The following BTBD9 variants were observed in gnomAD, a reference collection of about 807,000 sequenced individuals.
BTBD9 encodes BTB domain containing 9.
In BTBD9, 49 loss-of-function variants were observed where a neutral mutation model predicts 64.3. The observed-to-expected ratio is 0.76, with a 90% CI of 0.61 to 0.97. BTBD9 has a LOEUF of 0.97. Among genes scored for constraint, BTBD9 ranks in the 50% least tolerant of loss-of-function variants. BTBD9 has a pLI of 0.00. For synonymous variants in BTBD9, 260 were observed against 274.7 expected (o/e 0.95, Z 0.53); for missense variants, 598 against 762.1 (o/e 0.78, Z 2.53).
At chr6:38,177,969 G>C (rs952999390) in intron 10 of BTBD9, among the ~76,000 whole-genome samples, 10 of 152,208 alleles carry the variant, frequency 6.6e-5, no homozygotes, top group Non-Finnish European at 1.2e-4. Flanking sequence ...CATCAAGTTA[G>C]GGGACCCTGG....
At chr6:38,272,111 C>T (rs1255837171) in intron 8 of BTBD9, among the ~76,000 whole-genome samples, 1 of 152,050 alleles carries the variant, frequency 6.6e-6, no homozygotes. Context: ...TAGTCATTGA[C>T]CACTACCCTC....
At chr6:38,403,103 G>A (rs1358727525) in intron 6 of BTBD9, among the ~76,000 whole-genome samples, 4 of 135,022 alleles carry the variant, frequency 3.0e-5, no homozygotes, top group East Asian at 2.9e-4. Flanking sequence ...GGAAGGGAGG[G>A]GAGAAGAAGG....
chr6:38,545,972 T>C (rs1774538351), intron 6 of BTBD9, among the ~76,000 whole-genome samples: 1 of 150,264 alleles, frequency 6.7e-6, no homozygotes, highest in Non-Finnish European at 1.5e-5. Flanking sequence ...ATCAAGCCAC[T>C]GCAATAATCT....
chr6:38,215,799 G>T lies in BTBD9; in HGVS notation c.1563-23202C>A, dbSNP rs550443457. On this transcript the variant is annotated intron_variant, in intron 9 of 10. Transcript: ENST00000481247. ...ATTTCAGCTGTTTTATCATTCAGCT[G>T]TTTTTTCCCATCAAGTCAGCAGAAC... is the stretch of plus-strand genomic sequence containing the variant. Among the ~76,000 whole-genome samples the T allele has an allele frequency of 7.3e-4, 111 of 152,238 alleles. 1 individual carries two copies. The highest frequency in any genetic ancestry group is 1.3e-3 in the Non-Finnish European group (88 of 68,010).
chr6:38,503,815 C>T lies in BTBD9; in HGVS notation c.1154+73785G>A, dbSNP rs546416766. ...ATTTCCTCAACTACAGGGATCCTTT[C>T]TTCCGTTAAACCTCAGTGATTCAAA... On this transcript the variant is annotated intron_variant, in intron 6 of 10. Transcript: ENST00000481247. Among the ~76,000 whole-genome samples the T allele has an allele frequency of 2.6e-5, 4 of 152,300 alleles. No individual in the cohort carries two copies. In the South Asian group the frequency reaches 8.3e-4, roughly 32 times the overall value.
intron 10 of BTBD9, among the ~76,000 whole-genome samples, chr6:38,178,305 G>C (rs991292499): frequency 6.6e-6 from 1 of 152,170 alleles, no homozygotes; most frequent in Non-Finnish European, 1.5e-5. Context: ...GGTGACAGGT[G>C]GGGAGGGAAC....
chr6:38,628,434 C>T (rs1054791803), intron 1 of BTBD9, among the ~76,000 whole-genome samples: 2 of 152,132 alleles, frequency 1.3e-5, no homozygotes, highest in African/African-American at 4.8e-5. Context: ...TATGGGCTAA[C>T]AATTTTGAAC....
At chr6:38,287,297 T>C (rs1289523757) in intron 8 of BTBD9, among the ~76,000 whole-genome samples, 1 of 151,360 alleles carries the variant, frequency 6.6e-6, no homozygotes, top group Non-Finnish European at 1.5e-5. Context: ...AGGTGTACCA[T>C]TTTTTATGTT....
chr6:38,293,390 G>C (rs1197916876), intron 7 of BTBD9, among the ~76,000 whole-genome samples: 1 of 152,136 alleles, frequency 6.6e-6, no homozygotes, highest in African/African-American at 2.4e-5. Flanking sequence ...AACAAAGCTG[G>C]AGGCATTATC....
intron 4 of BTBD9, among the ~76,000 whole-genome samples, chr6:38,581,540 C>A (rs946972476): frequency 2.6e-5 from 4 of 152,310 alleles, no homozygotes; most frequent in Non-Finnish European, 2.9e-5. Context: ...GTGCCTGGGA[C>A]TCTGAAGTCC....
intron 1 of BTBD9, among the ~76,000 whole-genome samples, chr6:38,635,690 G>T (rs1778506627): frequency 6.6e-6 from 1 of 152,158 alleles, no homozygotes; most frequent in Non-Finnish European, 1.5e-5. Context: ...TTATGACACA[G>T]CAAGAAGGCC....
intron 6 of BTBD9, among the ~76,000 whole-genome samples, chr6:38,531,290 T>C (rs1037254817): frequency 3.9e-5 from 6 of 152,292 alleles, no homozygotes; most frequent in African/African-American, 1.4e-4. Flanking sequence ...TCGCATGACA[T>C]ATTTAAAGTA....
At chr6:38,521,945 G>C (rs1038756479) in intron 6 of BTBD9, among the ~76,000 whole-genome samples, 1 of 152,118 alleles carries the variant, frequency 6.6e-6, no homozygotes, top group African/African-American at 2.4e-5. Flanking sequence ...AAAGCGCTAG[G>C]GTTAGAGGTG....
chr6:38,372,927 T>C lies in BTBD9; in HGVS notation c.1155-27834A>G, dbSNP rs74912137. ...TTTTGCCCTGTTTGCTTCTCCATGT[T>C]TTTCTCCCTGATGCTAGGTTTCTCT... On this transcript the variant is annotated intron_variant, in intron 6 of 10. Coordinates refer to ENST00000481247, the MANE Select transcript of BTBD9 (RefSeq NM_001099272.2). 4.0e-3 allele frequency among the ~76,000 whole-genome samples: 602 copies of C among 152,308 alleles called. 5 individuals carry two copies. Among genetic ancestry groups the C allele is most frequent in the African/African-American group, 0.013 (560 of 41,572 alleles).
intron 9 of BTBD9, among the ~76,000 whole-genome samples, chr6:38,238,115 A>G (rs1488200561): frequency 1.3e-5 from 2 of 152,230 alleles, no homozygotes; most frequent in African/African-American, 4.8e-5. Context: ...TCTCTTAAAA[A>G]ACAAAACAAA....
intron 7 of BTBD9, among the ~76,000 whole-genome samples, chr6:38,313,211 T>C (rs963387011): frequency 7.9e-5 from 12 of 152,218 alleles, no homozygotes; most frequent in Middle Eastern, 3.2e-3. Context: ...GCCATAAGCA[T>C]ATAAAAATGC....
chr6:38,415,105 C>T (rs74428659), intron 6 of BTBD9, among the ~76,000 whole-genome samples: 5,735 of 152,190 alleles, frequency 0.038, 371 homozygotes, highest in African/African-American at 0.13. Flanking sequence ...TCAATATAGA[C>T]CTAGCTACCT....
chr6:38,479,482 C>A (rs1423980249), intron 6 of BTBD9, among the ~76,000 whole-genome samples: 1 of 152,042 alleles, frequency 6.6e-6, no homozygotes, highest in East Asian at 1.9e-4. Flanking sequence ...AAAGTTATTA[C>A]AATCTTTGGA....
At chr6:38,632,666 T>G (rs1778402003) in intron 1 of BTBD9, among the ~76,000 whole-genome samples, 1 of 152,190 alleles carries the variant, frequency 6.6e-6, no homozygotes, top group Non-Finnish European at 1.5e-5. Context: ...GTGCAGTGAC[T>G]CACACCTGTA....
Sources: allele counts gnomAD v4.1 joint callset (sites outside exome capture counted in the v4.1 genomes callset), GRCh38; gene constraint gnomAD v4.1.1; transcripts MANE v1.5; gene names NCBI Gene and HGNC (gene_info 2026-07-23, HGNC 2026-07-21).